Variants in GRM8 observed in about 807,000 individuals in gnomAD.
GRM8 encodes the protein glutamate metabotropic receptor 8.
GRM8 carries 47 observed loss-of-function variants against 87.2 expected under a neutral mutation model. That is an observed-to-expected ratio of 0.54 (90% CI 0.43 to 0.69). GRM8 has a LOEUF of 0.69. Ranked by LOEUF, GRM8 falls within the 30% of genes least tolerant of loss-of-function variation. The pLI, the probability that GRM8 is intolerant of heterozygous loss-of-function variation, is 0.00. For missense variants in GRM8, 1,019 were observed against 1,139.2 expected (o/e 0.89, Z 1.52); for synonymous variants, 396 against 404.5 (o/e 0.98, Z 0.25).
intron 9 of GRM8, among the ~76,000 whole-genome samples, chr7:126,469,576 T>C (rs941576499): frequency 3.9e-5 from 6 of 152,134 alleles, no homozygotes; most frequent in African/African-American, 1.4e-4. Flanking sequence ...TGAGTTCTCA[T>C]GAGACCTGAT....
chr7:127,076,546 T>C (rs191374011), intron 3 of GRM8, among the ~76,000 whole-genome samples: 1 of 152,132 alleles, frequency 6.6e-6, no homozygotes, highest in Admixed American at 6.5e-5. Flanking sequence ...TCTCTTTTAT[T>C]CCTAAGTTTC....
intron 10 of GRM8, among the ~76,000 whole-genome samples, chr7:126,442,146 C>G (rs10237968): frequency 0.042 from 6,309 of 151,968 alleles, 418 homozygotes; most frequent in African/African-American, 0.14. Flanking sequence ...AATATAGAAC[C>G]AGCCTCCCTC....
In GRM8 at chr7:127,009,426, T is replaced by C. The variant is rs144034660; in HGVS notation, c.727+97070A>G. On this transcript the variant is annotated intron_variant, in intron 3 of 10. Coordinates refer to ENST00000339582, the MANE Select transcript of GRM8 (RefSeq NM_000845.3). ...TTTACTCACATGTGTATTGTAACTA[T>C]GTGGGCACTTCCTAGAATGACATTC... is the stretch of plus-strand genomic sequence containing the variant. Among the ~76,000 whole-genome samples the C allele has an allele frequency of 2.8e-3, 426 of 152,250 alleles. 2 individuals are homozygous for C. The highest frequency in any genetic ancestry group is 9.9e-3 in the African/African-American group (412 of 41,552).
chr7:126,797,581 A>G (rs1822103452), intron 6 of GRM8, among the ~76,000 whole-genome samples: 1 of 152,104 alleles, frequency 6.6e-6, no homozygotes, highest in South Asian at 2.1e-4. Flanking sequence ...CTCAAGTAAC[A>G]GAAGTGAAAG....
chr7:127,126,976 T>C (rs2133206353), intron 2 of GRM8, among the ~76,000 whole-genome samples: 1 of 152,034 alleles, frequency 6.6e-6, no homozygotes, highest in East Asian at 1.9e-4. Flanking sequence ...AAAAAGATGC[T>C]AAATCATATT....
intron 3 of GRM8, among the ~76,000 whole-genome samples, chr7:127,103,835 T>C (rs1252162455): frequency 1.3e-5 from 2 of 152,192 alleles, no homozygotes; most frequent in African/African-American, 4.8e-5. Context: ...CAAGGGGCTA[T>C]TTGTCTTTAC....
intron 3 of GRM8, among the ~76,000 whole-genome samples, chr7:126,990,258 C>G (rs1361480153): frequency 6.6e-6 from 1 of 151,782 alleles, no homozygotes; most frequent in African/African-American, 2.4e-5. Context: ...AAGCATTGCC[C>G]TGGACACAGT....
intron 3 of GRM8, among the ~76,000 whole-genome samples, chr7:127,101,542 C>A (rs1009415560): frequency 2.0e-5 from 3 of 152,186 alleles, no homozygotes; most frequent in Non-Finnish European, 2.9e-5. Flanking sequence ...CCATTCCCAA[C>A]TCTCTCTTGC....
chr7:127,162,582 C>G (rs543729983), intron 2 of GRM8, among the ~76,000 whole-genome samples: 2 of 152,280 alleles, frequency 1.3e-5, no homozygotes, highest in South Asian at 4.2e-4. Context: ...TCTGGTTTCT[C>G]CCTCCTGTCT....
chr7:127,179,315 CA>C (rs1333643602), intron 2 of GRM8, among the ~76,000 whole-genome samples: 1 of 152,068 alleles, frequency 6.6e-6, no homozygotes, highest in Non-Finnish European at 1.5e-5. Context: ...CAATCCTAAA[CA>C]TATATGCACC....
chr7:126,827,152 T>C (rs887420166), intron 6 of GRM8, among the ~76,000 whole-genome samples: 3 of 152,248 alleles, frequency 2.0e-5, no homozygotes, highest in Non-Finnish European at 2.9e-5. Flanking sequence ...GGTAGCGTGA[T>C]GCCTTCAGCT....
At chr7:127,122,716 T>C (rs1421571998) in intron 2 of GRM8, among the ~76,000 whole-genome samples, 1 of 151,742 alleles carries the variant, frequency 6.6e-6, no homozygotes, top group East Asian at 1.9e-4. Flanking sequence ...TGTAAACAAA[T>C]AAATAGAAAG....
chr7:126,987,332 T>C (rs886595659), intron 3 of GRM8, among the ~76,000 whole-genome samples: 2 of 152,200 alleles, frequency 1.3e-5, no homozygotes, highest in Non-Finnish European at 2.9e-5. Flanking sequence ...CTAGCTCATG[T>C]ACCTCCTGCT....
intron 7 of GRM8, among the ~76,000 whole-genome samples, chr7:126,763,464 TATATATATACAC>T (rs1434998955): frequency 9.1e-4 from 70 of 77,264 alleles, no homozygotes; most frequent in African/African-American, 2.0e-3. Context: ...TATATATATA[TATATATATACAC>T]ACACACACAC....
chr7:127,032,781 T>A (rs1586807232), intron 3 of GRM8, among the ~76,000 whole-genome samples: 1 of 152,292 alleles, frequency 6.6e-6, no homozygotes, highest in East Asian at 1.9e-4. Context: ...AGGGGATGAC[T>A]AACAGCTTGT....
intron 7 of GRM8, among the ~76,000 whole-genome samples, chr7:126,768,629 G>T (rs1407465394): frequency 6.6e-6 from 1 of 151,914 alleles, no homozygotes; most frequent in Admixed American, 6.6e-5. Flanking sequence ...TTCTGGAGGT[G>T]AGCTTCAGTT....
intron 6 of GRM8, among the ~76,000 whole-genome samples, chr7:126,780,934 G>T (rs974358359): frequency 1.3e-5 from 2 of 152,150 alleles, no homozygotes; most frequent in Non-Finnish European, 2.9e-5. Flanking sequence ...TCAGAAAGGA[G>T]CATACGGTGT....
rs939728550 is a variant in GRM8 at position 126,751,943 on chromosome 7, T to C, written c.1357+17922A>G. Among the ~76,000 whole-genome samples, 8 of 152,124 alleles carry C rather than the reference T, an allele frequency of 5.3e-5. 1 individual carries two copies. Among genetic ancestry groups the C allele is most frequent in the Admixed American group, 4.6e-4 (7 of 15,244 alleles). ...CACTACCTCATTATCACTGGTCCTT[T>C]AGGGAATCCTCCAACAAGAGCCTTG... On this transcript the variant is annotated intron_variant, in intron 7 of 10. Transcript: ENST00000339582.
intron 2 of GRM8, among the ~76,000 whole-genome samples, chr7:127,125,039 C>T (rs2133198020): frequency 6.6e-6 from 1 of 152,198 alleles, no homozygotes; most frequent in African/African-American, 2.4e-5. Context: ...AAAAATACAT[C>T]TAAAATCATA....
Sources: gnomAD v4.1 joint callset for allele counts (sites outside exome capture counted in the v4.1 genomes callset) on GRCh38, gnomAD v4.1.1 for gene constraint, MANE v1.5 for transcripts, NCBI Gene and HGNC (gene_info 2026-07-23, HGNC 2026-07-21) for gene names.